TEAD2: variants seen among roughly 807,000 people sequenced by gnomAD.
TEAD2 encodes TEA domain transcription factor 2, also known as transcriptional enhancer factor TEF-4.
In TEAD2, 51 loss-of-function variants were observed where a neutral mutation model predicts 61.4. The observed-to-expected ratio is 0.83, with a 90% CI of 0.66 to 1.05. The LOEUF (loss-of-function observed/expected upper bound fraction) is 1.05. Among genes scored for constraint, TEAD2 ranks in the 50% least tolerant of loss-of-function variants. The pLI is 0.00. For synonymous variants in TEAD2, 244 were observed against 243.2 expected, an observed-to-expected ratio of 1.00 and a Z score of -0.03; for missense variants, 509 against 600.0, an observed-to-expected ratio of 0.85 and a Z score of 1.58.
intron 3 of TEAD2, among the ~76,000 whole-genome samples, chr19:49,358,125 T>C (rs942289568): frequency 6.6e-6 from 1 of 152,156 alleles, no homozygotes; most frequent in Non-Finnish European, 1.5e-5. Context: ...TCCCAGCTAC[T>C]CAGGAGGCTG....
chr19:49,351,774 TCAGGAGTTCGAGAC>T (rs1322180279), intron 7 of TEAD2, among the ~76,000 whole-genome samples: 1 of 151,790 alleles, frequency 6.6e-6, no homozygotes, highest in African/African-American at 2.4e-5. Context: ...TCACTTGAGG[TCAGGAGTTCGAGAC>T]CAGCCTGGCC....
intron 1 of TEAD2, among the ~76,000 whole-genome samples, chr19:49,360,831 G>A (rs1272816677): frequency 7.9e-6 from 1 of 127,246 alleles, no homozygotes; most frequent in Non-Finnish European, 1.7e-5. Flanking sequence ...AGAGAGAAGG[G>A]GACAGAGACC....
Position 49,355,094 on chromosome 19 carries a change from T to C in TEAD2, c.539+54A>G. 3 of 1,449,880 alleles carry C rather than the reference T, an allele frequency of 2.1e-6. No homozygotes were observed. In the South Asian group the frequency reaches 3.6e-5, roughly 17 times the overall value. The allele number at this position is 1,449,880 out of a possible 1,614,324, so 89.8% of individuals were successfully genotyped here. ...TAGAAGGTGGAGTGAGAAAGGTCTC[T>C]GTGGGAGTGTGAGGGTGGGGGGCAG... On this transcript the variant is annotated intron_variant, in intron 7 of 12. Coordinates refer to ENST00000593945, the MANE Select transcript of TEAD2 (RefSeq NM_001256660.2).
chr19:49,341,521 T>C lies in TEAD2; in HGVS notation c.1243-84A>G, dbSNP rs1333403458. 6.5e-6 allele frequency: 7 copies of C among 1,070,716 alleles called. No homozygotes were observed. The East Asian group carries it at 7.5e-5, about 12-fold the overall frequency. 66.3% of individuals were successfully genotyped at this position (1,070,716 alleles called of 1,614,324 possible). Reference sequence around the variant, plus strand: ...GCCCCCCTGCCAAGCTATCATGGAATACCCAGCAGGCTCTTTTCCATCTCC... The same window carrying C: ...GCCCCCCTGCCAAGCTATCATGGAACACCCAGCAGGCTCTTTTCCATCTCC... On this transcript the variant is annotated intron_variant, in intron 12 of 12. Transcript: ENST00000593945. This position sits in a 1 kb window ranked among gnomAD's most constrained non-coding sequence, Gnocchi z 4.2.
At chr19:49,344,198 G>A (rs1290251563) in intron 10 of TEAD2, among the ~76,000 whole-genome samples, 3 of 151,920 alleles carry the variant, frequency 2.0e-5, no homozygotes, top group South Asian at 2.1e-4. Flanking sequence ...GTCCATCAGC[G>A]TTGAAGAAGT....
At chr19:49,356,139 C>T in intron 4 of TEAD2, 169 bp from the exon 5 acceptor site, 1 of 454,022 alleles carries the variant, frequency 2.2e-6, no homozygotes. Flanking sequence ...GTGGCCAGCC[C>T]TGGAGGGGAA....
intron 3 of TEAD2, among the ~76,000 whole-genome samples, chr19:49,358,895 A>C (rs6509429): frequency 0.58 from 87,837 of 151,536 alleles, 26,491 homozygotes; most frequent in African/African-American, 0.76. Context: ...GTGCTGGGAT[A>C]ACAGGCATGA....
At chr19:49,356,892 C>T (rs1019212267) in intron 4 of TEAD2, among the ~76,000 whole-genome samples, 9 of 152,132 alleles carry the variant, frequency 5.9e-5, no homozygotes, top group African/African-American at 1.9e-4. Flanking sequence ...CTGCACCCCC[C>T]GCCCTGACCA....
chr19:49,351,554 T>A (rs923059582), intron 7 of TEAD2, among the ~76,000 whole-genome samples, 189 bp from the exon 8 acceptor site: 2 of 152,054 alleles, frequency 1.3e-5, no homozygotes, highest in African/African-American at 4.8e-5. Context: ...AACTGAGGTA[T>A]AGAGGGGTCA....
intron 10 of TEAD2, among the ~76,000 whole-genome samples, 188 bp downstream of exon 10, chr19:49,347,002 C>T (rs1971687696): frequency 6.6e-6 from 1 of 152,196 alleles, no homozygotes; most frequent in African/African-American, 2.4e-5. Flanking sequence ...CACCTCCAAC[C>T]CACCCTGGGG....
chr19:49,354,969 T>C (rs772546426), intron 7 of TEAD2, among the ~76,000 whole-genome samples, 179 bp downstream of exon 7: 1 of 152,072 alleles, frequency 6.6e-6, no homozygotes, highest in Admixed American at 6.6e-5. Context: ...CTGTACTCCA[T>C]CCAGCCTGGG....
At chr19:49,356,660 A>G (rs1972421419) in intron 4 of TEAD2, among the ~76,000 whole-genome samples, 1 of 152,104 alleles carries the variant, frequency 6.6e-6, no homozygotes, top group Non-Finnish European at 1.5e-5. Flanking sequence ...GGGGGAAGAT[A>G]TGAGACCGCC....
intron 7 of TEAD2, among the ~76,000 whole-genome samples, chr19:49,354,504 A>C (rs1972244990): frequency 6.6e-6 from 1 of 151,518 alleles, no homozygotes; most frequent in African/African-American, 2.4e-5. Context: ...ATCCTGTATA[A>C]AAAAAGAAAA....
At chr19:49,358,714 C>A (rs551924782) in intron 3 of TEAD2, among the ~76,000 whole-genome samples, 1 of 150,984 alleles carries the variant, frequency 6.6e-6, no homozygotes, top group Admixed American at 6.6e-5. Flanking sequence ...CTCACTGCAA[C>A]CTCCGCCTCC....
intron 1 of TEAD2, 50 bp from the exon 2 acceptor site, chr19:49,360,131 G>A: frequency 6.8e-7 from 1 of 1,471,354 alleles, no homozygotes; most frequent in Non-Finnish European, 9.3e-7. Context: ...CACCCTCAAG[G>A]GACTTGAAGC....
chr19:49,343,854 T>TGGGGGG (rs201072189), intron 10 of TEAD2, among the ~76,000 whole-genome samples: 1 of 111,198 alleles, frequency 9.0e-6, no homozygotes, highest in African/African-American at 3.2e-5. Flanking sequence ...GTCTTTTTTT[T>TGGGGGG]TGGGGGGGGG....
chr19:49,354,431 G>C (rs1183372150), intron 7 of TEAD2, among the ~76,000 whole-genome samples: 1 of 151,728 alleles, frequency 6.6e-6, no homozygotes, highest in Non-Finnish European at 1.5e-5. Flanking sequence ...TTGAACCCAG[G>C]AGGCTGAGGC....
At chr19:49,343,422 G>A in intron 10 of TEAD2, 24 bp from the exon 11 acceptor site, 1 of 1,584,846 alleles carries the variant, frequency 6.3e-7, no homozygotes, top group Non-Finnish European at 8.6e-7. Flanking sequence ...AGGCACAGAT[G>A]AGTCAGAGGG....
intron 7 of TEAD2, among the ~76,000 whole-genome samples, chr19:49,354,890 C>T (rs1465079249): frequency 6.6e-6 from 1 of 152,044 alleles, no homozygotes; most frequent in Admixed American, 6.6e-5. Context: ...CCCAGCTACT[C>T]GGGAGGCTGA....
Sources: gnomAD v4.1 joint callset for allele counts (sites outside exome capture counted in the v4.1 genomes callset) on GRCh38, gnomAD v4.1.1 for gene constraint, Gnocchi (gnomAD v3.1) non-coding constraint, MANE v1.5 for transcripts, NCBI Gene and HGNC (gene_info 2026-07-23, HGNC 2026-07-21) for gene names.